The following DCLK3 variants were observed in gnomAD, a reference collection of about 807,000 sequenced individuals.
DCLK3 encodes serine/threonine-protein kinase DCLK3.
Under a neutral mutation model 46.4 loss-of-function variants are expected in DCLK3, and 30 were observed. The observed-to-expected ratio is 0.65, with a 90% CI of 0.48 to 0.88. The LOEUF (loss-of-function observed/expected upper bound fraction) is 0.88. Among genes scored for constraint, DCLK3 ranks in the 40% least tolerant of loss-of-function variants. The probability of loss-of-function intolerance (pLI) is 0.00; values close to 1 mark genes in which losing one functional copy is unlikely to be tolerated. For synonymous variants in DCLK3, 401 were observed against 339.2 expected, an observed-to-expected ratio of 1.18 and a Z score of -2.00; for missense variants, 846 against 907.1, an observed-to-expected ratio of 0.93 and a Z score of 0.87.
chr3:36,758,009 C>T (rs930517800), intron 1 of DCLK3, among the ~76,000 whole-genome samples: 1 of 152,148 alleles, frequency 6.6e-6, no homozygotes, highest in Non-Finnish European at 1.5e-5. Context: ...CCAGATTCTG[C>T]TGTCTCAGCC....
In DCLK3 at chr3:36,731,936, T is replaced by C. The variant is rs116104754; in HGVS notation, c.1959+5272A>G. On this transcript the variant is annotated intron_variant, in intron 2 of 4. Transcript: ENST00000636136. ...CTTGAGATTTACTAAGCTGTTTCCT[T>C]AGCTTAAGAGCATTTTCCGAATGCC... Among the ~76,000 whole-genome samples the C allele has an allele frequency of 9.1e-4, 139 of 152,338 alleles. 1 individual carries two copies. Among genetic ancestry groups the C allele is most frequent in the Middle Eastern group, 3.4e-3 (1 of 294 alleles).
In DCLK3 at chr3:36,721,579, A is replaced by G; in HGVS notation, c.2040T>C (p.Phe680=). The stretch of plus-strand genomic sequence containing the variant: ...CGTAAGTTGGGGTCCCACACACAGT[A>G]AATATAGGTCTCACCACATGCTTTG... The part of the protein sequence containing the change: ...GLAKHVVRPI[F]TVCGTPTYVA... The change falls in exon 3 of 5, where the codon TTT becomes TTC. Residue 680 remains phenylalanine (F), a synonymous_variant. Transcript: ENST00000636136. The G allele has an allele frequency of 1.9e-6, 3 of 1,614,218 alleles. No individual in the cohort carries two copies. The highest frequency in any genetic ancestry group is 2.5e-6 in the Non-Finnish European group (3 of 1,180,030).
chr3:36,752,199 G>A (rs908082803), intron 1 of DCLK3, among the ~76,000 whole-genome samples: 1 of 152,216 alleles, frequency 6.6e-6, no homozygotes, highest in Non-Finnish European at 1.5e-5. Flanking sequence ...ATGACTGATG[G>A]ACAGGGGTGT....
At chr3:36,716,046 C>T (rs1470584888) in intron 4 of DCLK3, among the ~76,000 whole-genome samples, 4 of 152,152 alleles carry the variant, frequency 2.6e-5, no homozygotes, top group South Asian at 2.1e-4. Flanking sequence ...TTCACATTGA[C>T]AAAACTGAAA....
In DCLK3 at chr3:36,738,896, G is replaced by T; in HGVS notation, c.271C>A (p.Pro91Thr). 2.2e-6 allele frequency: 1 copy of T among 445,510 alleles called. No individual in the cohort carries two copies. The highest frequency in any genetic ancestry group is 3.7e-6 in the Non-Finnish European group (1 of 268,048). 27.6% of individuals were successfully genotyped at this position (445,510 alleles called of 1,614,324 possible). The part of the protein sequence containing the change: ...GLHSAHPENS[P>T]LKPRVVTVVK... ...ACGGTCACGACCCTGGGCTTCAGAG[G>T]GCTGTTCTCAGGATGTGCTGAGTGA... The change falls in exon 2 of 5, where the codon CCT becomes ACT. Residue 91 changes from proline (P) to threonine (T), a missense_variant. Physicochemically the swap from Pro to Thr is conservative, Grantham distance 38 (BLOSUM62 -1). Around this residue, in one of 3 missense-constraint regions of DCLK3, gnomAD observed 553 missense variants for 543.0 expected, o/e 1.02. Coordinates refer to ENST00000636136, the MANE Select transcript of DCLK3 (RefSeq NM_001394672.2).
In DCLK3 at chr3:36,730,191, TATAC is replaced by T. The variant is rs1478254213; in HGVS notation, c.1959+7013_1959+7016del. Among the ~76,000 whole-genome samples, 560 of 108,928 alleles carry T rather than the reference TATAC, an allele frequency of 5.1e-3. 3 individuals carry two copies. Among genetic ancestry groups the T allele is most frequent in the East Asian group, 9.3e-3 (44 of 4,718 alleles). 71.5% of individuals were successfully genotyped at this position (108,928 alleles called of 152,430 possible). On this transcript the variant is annotated intron_variant, in intron 2 of 4. Transcript: ENST00000636136. ...TCAAAATATATGTACATACACCATA[TATAC>T]ACACACACACACACACACACACACA... is the stretch of plus-strand genomic sequence containing the variant.
chr3:36,717,617 G>C (rs1295836727), intron 4 of DCLK3, among the ~76,000 whole-genome samples: 1 of 152,200 alleles, frequency 6.6e-6, no homozygotes, highest in Non-Finnish European at 1.5e-5. Flanking sequence ...TGTGCTTCAA[G>C]TGTGCTGCTA....
rs1397197638 is a variant in DCLK3 at position 36,738,218 on chromosome 3, G to C, written c.949C>G (p.Leu317Val). Reference protein sequence around the residue: ...RCEKCKRERELQQSLERERLS... With the variant: ...RCEKCKREREVQQSLERERLS... ...CTCTCACGCTCCAGGCTCTGCTGGA[G>C]CTCCCTCTCTCTCTTGCACTTCTCG... The change falls in exon 2 of 5, where the codon CTC becomes GTC. Residue 317 changes from leucine (L) to valine (V), a missense_variant. Leu to Val is a conservative substitution (Grantham distance 32, BLOSUM62 1). Around this residue, in one of 3 missense-constraint regions of DCLK3, gnomAD observed 553 missense variants for 543.0 expected, o/e 1.02. Transcript: ENST00000636136. 1 of 1,606,552 alleles carries C rather than the reference G, an allele frequency of 6.2e-7. No homozygotes were observed. Among genetic ancestry groups the C allele is most frequent in the East Asian group, 2.2e-5 (1 of 44,862 alleles).
At chr3:36,752,851 G>A (rs1405279383) in intron 1 of DCLK3, among the ~76,000 whole-genome samples, 1 of 152,114 alleles carries the variant, frequency 6.6e-6, no homozygotes, top group East Asian at 1.9e-4. Flanking sequence ...GACACATACG[G>A]CTATTTTCCA....
chr3:36,757,986 C>G (rs6773451), intron 1 of DCLK3, among the ~76,000 whole-genome samples: 39,096 of 152,010 alleles, frequency 0.26, 6,374 homozygotes, highest in African/African-American at 0.47. Context: ...AGCTCAGCTA[C>G]CTGCAAGCCT....
chr3:36,730,264 GA>G (rs1419213800), intron 2 of DCLK3, among the ~76,000 whole-genome samples: 25 of 146,608 alleles, frequency 1.7e-4, no homozygotes, highest in African/African-American at 5.8e-4. Context: ...AAGTATGACT[GA>G]AAAAAAAAAT....
chr3:36,740,122 CTTTTTT>C (rs1179146362), intron 1 of DCLK3, among the ~76,000 whole-genome samples: 1 of 99,710 alleles, frequency 1.0e-5, no homozygotes, highest in African/African-American at 3.6e-5. Flanking sequence ...ATTTGCATTT[CTTTTTT>C]TTTTTTTTTT....
chr3:36,719,682 G>A (rs1701032607), intron 3 of DCLK3, among the ~76,000 whole-genome samples: 1 of 152,138 alleles, frequency 6.6e-6, no homozygotes, highest in Admixed American at 6.5e-5. Context: ...GTGTTGAGGA[G>A]TCTCAAAGCC....
chr3:36,735,571 C>G (rs1701251404), intron 2 of DCLK3, among the ~76,000 whole-genome samples: 1 of 152,138 alleles, frequency 6.6e-6, no homozygotes, highest in Non-Finnish European at 1.5e-5. Context: ...GGATGGTGTC[C>G]CCAGGCTGAG....
At chr3:36,749,016 G>C (rs1331307241) in intron 1 of DCLK3, among the ~76,000 whole-genome samples, 1 of 152,110 alleles carries the variant, frequency 6.6e-6, no homozygotes, top group African/African-American at 2.4e-5. Flanking sequence ...TCTCACCCTA[G>C]GTTTCATGTT....
intron 1 of DCLK3, among the ~76,000 whole-genome samples, chr3:36,741,585 A>T (rs748273272): frequency 6.6e-5 from 10 of 152,214 alleles, no homozygotes; most frequent in Non-Finnish European, 8.8e-5. Context: ...GGAAGACAAG[A>T]TTTGAGTTGG....
rs879312201 is a variant in DCLK3 at position 36,714,868 on chromosome 3, T to TCCC, written c.*459_*460insGGG. 114,154 of 155,742 alleles carry TCCC rather than the reference T, an allele frequency of 0.73. 42,167 individuals are homozygous for TCCC. Among genetic ancestry groups the TCCC allele is most frequent in the South Asian group, 0.82 (4,189 of 5,096 alleles). 9.6% of individuals were successfully genotyped at this position (155,742 alleles called of 1,614,324 possible). ...GATATGCCTGAACTATAATTCATTT[T>TCCC]TGAATTTTTGTGCTGTCATCACCAG... On this transcript the variant is annotated 3_prime_UTR_variant, in exon 5 of 5. Coordinates refer to ENST00000636136, the MANE Select transcript of DCLK3 (RefSeq NM_001394672.2).
At chr3:36,756,192 G>C (rs1050482470) in intron 1 of DCLK3, among the ~76,000 whole-genome samples, 1 of 152,226 alleles carries the variant, frequency 6.6e-6, no homozygotes, top group African/African-American at 2.4e-5. Context: ...CCTGGGCTCA[G>C]TTCTGCTGGG....
Position 36,715,311 on chromosome 3 carries a change from G to T in DCLK3, c.*17C>A. 1 of 1,613,864 alleles carries T rather than the reference G, an allele frequency of 6.2e-7. No homozygotes were observed. The highest frequency in any genetic ancestry group is 8.5e-7 in the Non-Finnish European group (1 of 1,179,926). On this transcript the variant is annotated 3_prime_UTR_variant, in exon 5 of 5. Coordinates refer to ENST00000636136, the MANE Select transcript of DCLK3 (RefSeq NM_001394672.2). ...CTTGAGCAGAACTGGGGGCTGGACA[G>T]ATTCCCAAGGTGGTGACTATGATAC...
Sources: allele counts gnomAD v4.1 joint callset (sites outside exome capture counted in the v4.1 genomes callset), GRCh38; gene constraint gnomAD v4.1.1; regional missense constraint gnomAD v4.1.1; transcripts MANE v1.5; gene names NCBI Gene and HGNC (gene_info 2026-07-23, HGNC 2026-07-21).